The following USP53 variants were observed in gnomAD, a reference collection of about 807,000 sequenced individuals.
The protein encoded by USP53 is ubiquitin specific peptidase 53.
In USP53, 71 loss-of-function variants were observed where a neutral mutation model predicts 94.9. That is an observed-to-expected ratio of 0.75 (90% confidence interval 0.62 to 0.91). USP53 has a LOEUF of 0.91. USP53 is among the 40% of genes least tolerant of loss of function. The pLI is 0.00. For synonymous variants in USP53, 375 were observed against 422.7 expected (o/e 0.89, Z 1.39); for missense variants, 1,173 against 1,281.0 (o/e 0.92, Z 1.29).
In USP53 at chr4:119,294,358, T is replaced by G. The variant is rs1215239143; in HGVS notation, c.*1147T>G. The G allele has an allele frequency of 6.6e-6, 1 of 152,108 alleles. No homozygotes were observed. Among genetic ancestry groups the G allele is most frequent in the African/African-American group, 2.4e-5 (1 of 41,452 alleles). The allele number at this position is 152,108 out of a possible 1,614,324, so 9.4% of individuals were successfully genotyped here. The stretch of plus-strand genomic sequence containing the variant: ...GAGCATCCTTCCCTTTTATTCTACT[T>G]TGAACAAATAGTAATTTTACCCCAA... On this transcript the variant is annotated 3_prime_UTR_variant, in exon 19 of 19. Coordinates refer to ENST00000692078, the MANE Select transcript of USP53 (RefSeq NM_001371395.1).
chr4:119,246,866 G>T (rs1748317113), intron 6 of USP53, among the ~76,000 whole-genome samples: 1 of 151,852 alleles, frequency 6.6e-6, no homozygotes, highest in Non-Finnish European at 1.5e-5. Context: ...TTAAGATTTT[G>T]TTATACATTT....
At chr4:119,266,802 T>C (rs1490952371) in intron 12 of USP53, among the ~76,000 whole-genome samples, 1 of 152,180 alleles carries the variant, frequency 6.6e-6, no homozygotes, top group African/African-American at 2.4e-5. Context: ...ATTTTTCTTC[T>C]ATGGTTTGGT....
At chr4:119,253,451 G>T (rs773238058) in intron 7 of USP53, among the ~76,000 whole-genome samples, 15 of 152,132 alleles carry the variant, frequency 9.9e-5, no homozygotes, top group Non-Finnish European at 2.1e-4. Context: ...TTATTGAATT[G>T]ATCCCTTTAC....
At chr4:119,212,686 G>A (rs1333511922), upstream of USP53, 2 of 345,064 alleles carry the variant, frequency 5.8e-6, no homozygotes, top group Non-Finnish European at 5.8e-6. Flanking sequence ...CGGGCTCTGG[G>A]CGGCGGAGAC....
In USP53 at chr4:119,291,261, G is replaced by T; in HGVS notation, c.2348G>T (p.Arg783Ile). The T allele has an allele frequency of 6.8e-7, 1 of 1,473,708 alleles. No homozygotes were observed. The highest frequency in any genetic ancestry group is 9.1e-7 in the Non-Finnish European group (1 of 1,101,092). 91.3% of individuals were successfully genotyped at this position (1,473,708 alleles called of 1,614,324 possible). A position where few individuals can be genotyped will look rare whatever the true frequency, so the allele number is the denominator to read the frequency against. Residue 783 changes from arginine to isoleucine, a missense_variant and splice_region_variant, in exon 18 of 19, where the codon AGA (arginine) becomes ATA (isoleucine). By Grantham distance (97) the Arg-to-Ile change is moderately conservative. Coordinates refer to ENST00000692078, the MANE Select transcript of USP53 (RefSeq NM_001371395.1). ...HLQIKNHLIK[R>I]SHVHEDNGKL... ...CAAATAAAAAATCATTTGATAAAAAGGTAACCATATTTTTTTTCCCTAAAT... is the reference window on the plus strand; with the variant it reads ...CAAATAAAAAATCATTTGATAAAAATGTAACCATATTTTTTTTCCCTAAAT...
At chr4:119,266,964 AG>A (rs1751204450) in intron 12 of USP53, among the ~76,000 whole-genome samples, 1 of 152,048 alleles carries the variant, frequency 6.6e-6, no homozygotes, top group Non-Finnish European at 1.5e-5. Flanking sequence ...TCATGGTAAA[AG>A]TTCTTTTTCT....
chr4:119,272,981 T>C (rs951893587), intron 16 of USP53: 3 of 152,220 alleles, frequency 2.0e-5, no homozygotes, highest in Non-Finnish European at 4.4e-5. Flanking sequence ...AATCAACTGC[T>C]CATGTTTTAT....
chr4:119,213,812 G>C (rs1045566376), intron 1 of USP53, among the ~76,000 whole-genome samples: 4 of 151,658 alleles, frequency 2.6e-5, no homozygotes, highest in African/African-American at 9.7e-5. Context: ...GGAGGTTGCA[G>C]TGAGCCGAGA....
At chr4:119,279,120 C>T (rs1275025929) in intron 17 of USP53, among the ~76,000 whole-genome samples, 1 of 148,884 alleles carries the variant, frequency 6.7e-6, no homozygotes, top group African/African-American at 2.5e-5. Flanking sequence ...CATTCTCCAT[C>T]CAGCTTTGTT....
intron 12 of USP53, chr4:119,266,464 T>C: frequency 2.5e-6 from 1 of 397,534 alleles, no homozygotes; most frequent in South Asian, 1.9e-5. Context: ...TTCGTGTTGG[T>C]ATTCTTTTTA....
At chr4:119,234,435 A>C (rs1746465172) in intron 3 of USP53, among the ~76,000 whole-genome samples, 1 of 152,190 alleles carries the variant, frequency 6.6e-6, no homozygotes. Context: ...GCTGGAATGG[A>C]AGCCATAATA....
rs778788817 is a variant in USP53, at chr4:119,271,503, G to T, written c.1643G>T (p.Gly548Val). Reference protein sequence around the residue: ...QILAPGEKITGKVKSDNGTGY... With the variant: ...QILAPGEKITVKVKSDNGTGY... ...CTTGCTCCAGGAGAGAAAATAACTG[G>T]CAAAGTTAAGAGTGACAATGGCACT... The change falls in exon 16 of 19, where the codon GGC (glycine) becomes GTC (valine). Residue 548 changes from glycine (G) to valine (V), a missense_variant. By Grantham distance (109) the Gly-to-Val change is moderately radical. Transcript: ENST00000692078. 6.2e-7 allele frequency: 1 copy of T among 1,613,306 alleles called. No individual in the cohort carries two copies. The highest frequency in any genetic ancestry group is 8.5e-7 in the Non-Finnish European group (1 of 1,179,888).
chr4:119,234,867 C>T (rs1746523296), intron 3 of USP53, among the ~76,000 whole-genome samples: 1 of 152,194 alleles, frequency 6.6e-6, no homozygotes, highest in Non-Finnish European at 1.5e-5. Flanking sequence ...AAAAGTTGGT[C>T]CTCCACAGCT....
chr4:119,273,827 C>A, intron 17 of USP53, 119 bp downstream of exon 17: 2 of 733,454 alleles, frequency 2.7e-6, no homozygotes, highest in Non-Finnish European at 4.3e-6. Context: ...TTTTAAATAA[C>A]CCTAAAATAT....
At chr4:119,283,750 G>A (rs1017226377) in intron 17 of USP53, among the ~76,000 whole-genome samples, 5 of 151,870 alleles carry the variant, frequency 3.3e-5, no homozygotes, top group African/African-American at 1.2e-4. Flanking sequence ...CAGATTTTGG[G>A]GGTGGAAGGA....
Position 119,268,361 on chromosome 4 carries a change from C to G in USP53, c.1229C>G (p.Thr410Ser). The G allele has an allele frequency of 6.2e-7, 1 of 1,613,906 alleles. No individual in the cohort carries two copies. The highest frequency in any genetic ancestry group is 8.5e-7 in the Non-Finnish European group (1 of 1,179,892). ...CAGAGAGAAAATCAGAAATTTCCAA[C>G]TGATAATATTTCATCATCTAATCGG... ...AKQRENQKFP[T>S]DNISSSNRSH... Residue 410 changes from threonine to serine, a missense_variant, in exon 14 of 19, where the codon ACT (threonine) becomes AGT (serine). Physicochemically the swap from Thr to Ser is moderately conservative, Grantham distance 58 (BLOSUM62 1). Coordinates refer to ENST00000692078, the MANE Select transcript of USP53 (RefSeq NM_001371395.1).
rs369528279 is a variant in USP53, at chr4:119,256,499, G to A, written c.545G>A (p.Arg182Gln). Residue 182 changes from arginine (R) to glutamine (Q), a missense_variant, in exon 9 of 19, where the codon CGG becomes CAG. Physicochemically the swap from Arg to Gln is conservative, Grantham distance 43 (BLOSUM62 1). Transcript: ENST00000692078. ...CCTCTACCTTTTACAGAATTTGTGC[G>A]GTACATTTCTACAACAGCCTTATGG... ...SDPLPFTEFVRYISTTALCNE... is the reference protein window; with the variant it reads ...SDPLPFTEFVQYISTTALCNE... 1.5e-5 allele frequency: 25 copies of A among 1,613,840 alleles called. No individual in the cohort carries two copies. Among genetic ancestry groups the A allele is most frequent in the African/African-American group, 9.3e-5 (7 of 74,872 alleles).
chr4:119,229,322 A>G (rs1025471409), intron 3 of USP53, among the ~76,000 whole-genome samples: 1 of 152,094 alleles, frequency 6.6e-6, no homozygotes, highest in African/African-American at 2.4e-5. Flanking sequence ...TCCTTTCTTT[A>G]CCATTTCATC....
At chr4:119,280,103 A>G (rs890442989) in intron 17 of USP53, among the ~76,000 whole-genome samples, 1 of 152,096 alleles carries the variant, frequency 6.6e-6, no homozygotes, top group African/African-American at 2.4e-5. Context: ...AGCTGTTCCT[A>G]TTCGGCCATC....
Sources: allele counts gnomAD v4.1 joint callset (sites outside exome capture counted in the v4.1 genomes callset), GRCh38; gene constraint gnomAD v4.1.1; transcripts MANE v1.5; gene names NCBI Gene and HGNC (gene_info 2026-07-23, HGNC 2026-07-21).